Variants in ELAVL1 observed in about 807,000 individuals in gnomAD.
ELAVL1 encodes ELAV like RNA binding protein 1.
ELAVL1 carries 1 observed loss-of-function variant against 28.4 expected under a neutral mutation model. The ratio of observed to expected loss-of-function variants is 0.04; its 90% CI spans 0.01 to 0.17. ELAVL1 has a LOEUF of 0.17. Among genes scored for constraint, ELAVL1 ranks in the 10% least tolerant of loss-of-function variants. The probability of loss-of-function intolerance (pLI) is 1.00; values close to 1 mark genes in which losing one functional copy is unlikely to be tolerated. For synonymous variants in ELAVL1, 174 were observed against 183.5 expected (o/e 0.95, Z 0.42); for missense variants, 157 against 447.2 (o/e 0.35, Z 5.85).
At chr19:7,987,900 T>C (rs1985648066) in intron 2 of ELAVL1, among the ~76,000 whole-genome samples, 1 of 152,176 alleles carries the variant, frequency 6.6e-6, no homozygotes, top group Admixed American at 6.5e-5. Context: ...AAGGGAGGCC[T>C]CCTTAAGCAA....
intron 2 of ELAVL1, among the ~76,000 whole-genome samples, chr19:7,985,121 T>C (rs1167012378): frequency 6.6e-6 from 1 of 152,210 alleles, no homozygotes; most frequent in East Asian, 1.9e-4. Context: ...GGTTTCGCCA[T>C]GTTGCCCAGG....
In ELAVL1 at chr19:7,962,239, A is replaced by G. The variant is rs1367100720; in HGVS notation, c.*1244T>C. On this transcript the variant is annotated 3_prime_UTR_variant, in exon 6 of 6. Transcript: ENST00000407627. ...CCACCTGCACCTTCCCTAGCCAAAA[A>G]GAAAGAAAAGGTAAAATAAAAAACA... 1 of 153,792 alleles carries G rather than the reference A, an allele frequency of 6.5e-6. No homozygotes were observed. The highest frequency in any genetic ancestry group is 1.9e-4 in the East Asian group (1 of 5,206). The allele number at this position is 153,792 out of a possible 1,614,324, so 9.5% of individuals were successfully genotyped here. A position where few individuals can be genotyped will look rare whatever the true frequency, so the allele number is the denominator to read the frequency against.
chr19:7,977,475 G>A (rs1678407089), intron 3 of ELAVL1, among the ~76,000 whole-genome samples: 1 of 152,182 alleles, frequency 6.6e-6, no homozygotes, highest in African/African-American at 2.4e-5. Flanking sequence ...CCTTTGATAA[G>A]CACTGGCTGT....
chr19:7,999,574 C>T (rs777895110), intron 1 of ELAVL1, among the ~76,000 whole-genome samples: 73 of 152,174 alleles, frequency 4.8e-4, no homozygotes, highest in Non-Finnish European at 9.4e-4. Flanking sequence ...AGTCCCCAGG[C>T]AAAGCCAGGG....
chr19:8,000,615 A>G (rs1288303821), intron 1 of ELAVL1, among the ~76,000 whole-genome samples: 3 of 152,252 alleles, frequency 2.0e-5, no homozygotes, highest in African/African-American at 7.2e-5. Flanking sequence ...CTTCCAGGTA[A>G]AAAAGGCTTA....
chr19:7,987,171 C>T (rs559654368), intron 2 of ELAVL1, among the ~76,000 whole-genome samples: 13 of 150,842 alleles, frequency 8.6e-5, no homozygotes, highest in African/African-American at 3.2e-4. Context: ...CCAGGGGTGT[C>T]CCTACCCTCT....
rs2145203552 is a variant in ELAVL1, at chr19:7,970,124, C to T, written c.431-2334G>A. Reference sequence around the variant, plus strand: ...AGTAGGTGGGACTCCAGGCGCCTGCCACCATGCCTGGCTAATTTTTATTTT... The same window carrying T: ...AGTAGGTGGGACTCCAGGCGCCTGCTACCATGCCTGGCTAATTTTTATTTT... On this transcript the variant is annotated intron_variant, in intron 4 of 5. Coordinates refer to ENST00000407627, the MANE Select transcript of ELAVL1 (RefSeq NM_001419.3). Among the ~76,000 whole-genome samples the T allele has an allele frequency of 2.0e-5, 3 of 152,080 alleles. No individual in the cohort carries two copies. The South Asian group carries it at 6.2e-4, about 32-fold the overall frequency.
intron 3 of ELAVL1, among the ~76,000 whole-genome samples, chr19:7,975,949 T>C (rs1306362517): frequency 6.6e-6 from 1 of 151,820 alleles, no homozygotes; most frequent in Non-Finnish European, 1.5e-5. Context: ...AAAAATTAGC[T>C]GGTCGTGGTG....
intron 1 of ELAVL1, among the ~76,000 whole-genome samples, chr19:7,998,698 G>C (rs1454951351): frequency 6.6e-6 from 1 of 151,978 alleles, no homozygotes; most frequent in Non-Finnish European, 1.5e-5. Flanking sequence ...GCCCAGGCTG[G>C]TCTTGAACTC....
chr19:7,993,686 T>C (rs1214362706), intron 1 of ELAVL1, among the ~76,000 whole-genome samples: 1 of 150,932 alleles, frequency 6.6e-6, no homozygotes, highest in African/African-American at 2.4e-5. Context: ...AACACACAGG[T>C]AGTCATCCCT....
intron 1 of ELAVL1, among the ~76,000 whole-genome samples, chr19:7,998,613 G>A (rs1455551237): frequency 6.6e-6 from 1 of 152,066 alleles, no homozygotes; most frequent in Non-Finnish European, 1.5e-5. Flanking sequence ...GGGCACTAGT[G>A]TCCTCTCCTT....
intron 1 of ELAVL1, among the ~76,000 whole-genome samples, chr19:8,004,449 C>G (rs2081080028): frequency 6.6e-6 from 1 of 152,164 alleles, no homozygotes; most frequent in Admixed American, 6.5e-5. Context: ...CCCGAGCCAT[C>G]TGGCAATGTT....
chr19:7,978,733 G>A (rs751567484), intron 3 of ELAVL1, among the ~76,000 whole-genome samples: 6 of 152,220 alleles, frequency 3.9e-5, no homozygotes, highest in Admixed American at 3.3e-4. Flanking sequence ...CTGGTCAAAA[G>A]TGCAGGGGCC....
In ELAVL1 at chr19:7,960,112, A is replaced by G. The variant is rs1984763205; in HGVS notation, c.*3371T>C. 6.6e-6 allele frequency: 1 copy of G among 152,174 alleles called. No homozygotes were observed. Among genetic ancestry groups the G allele is most frequent in the African/African-American group, 2.4e-5 (1 of 41,440 alleles). The allele number at this position is 152,174 out of a possible 1,614,324, so 9.4% of individuals were successfully genotyped here. A position where few individuals can be genotyped will look rare whatever the true frequency, so the allele number is the denominator to read the frequency against. ...AATGCCTGGTGGACAAATGGCCTTC[A>G]TTTGGAAGCAAACCGGGTCAAGGAA... On this transcript the variant is annotated 3_prime_UTR_variant, in exon 6 of 6. Transcript: ENST00000407627.
chr19:8,004,982 T>C (rs573516055), intron 1 of ELAVL1, among the ~76,000 whole-genome samples: 5 of 152,144 alleles, frequency 3.3e-5, no homozygotes, highest in Non-Finnish European at 7.4e-5. Context: ...TTAGATTTTT[T>C]TTTTCCCCCA....
rs561959713 is a variant in ELAVL1 at position 7,989,928 on chromosome 19, G to A, written c.172+1716C>T. ...GGTCAGGTGTCTTAAGGTTACTGGGGAAATGTTGAAGATAAAGTGCAATGA... is the reference window on the plus strand; with the variant it reads ...GGTCAGGTGTCTTAAGGTTACTGGGAAAATGTTGAAGATAAAGTGCAATGA... On this transcript the variant is annotated intron_variant, in intron 2 of 5. Transcript: ENST00000407627. Among the ~76,000 whole-genome samples the A allele has an allele frequency of 8.5e-5, 13 of 152,316 alleles. No individual in the cohort carries two copies. The South Asian group carries it at 2.7e-3, about 32-fold the overall frequency.
At chr19:8,002,051 C>G in intron 1 of ELAVL1, 1 of 1,289,364 alleles carries the variant, frequency 7.8e-7, no homozygotes, top group Non-Finnish European at 1.0e-6. Flanking sequence ...CCCTGGCCTA[C>G]CTGCAGGGTA....
At chr19:7,978,017 C>G (rs1372828241) in intron 3 of ELAVL1, among the ~76,000 whole-genome samples, 1 of 152,258 alleles carries the variant, frequency 6.6e-6, no homozygotes, top group Non-Finnish European at 1.5e-5. Context: ...CTTGAGGGAG[C>G]CTCCTCTGGC....
chr19:8,003,977 T>C (rs2081078239), intron 1 of ELAVL1, among the ~76,000 whole-genome samples: 1 of 152,158 alleles, frequency 6.6e-6, no homozygotes. Context: ...GTAAGGGTTT[T>C]GAATCAGAGG....
Sources: allele counts gnomAD v4.1 joint callset (sites outside exome capture counted in the v4.1 genomes callset), GRCh38; gene constraint gnomAD v4.1.1; transcripts MANE v1.5; gene names NCBI Gene and HGNC (gene_info 2026-07-23, HGNC 2026-07-21).